FARP1: variants seen among roughly 807,000 people sequenced by gnomAD.
FARP1 encodes the protein FERM, ARH/RhoGEF and pleckstrin domain protein 1, also known as FERM, ARHGEF and pleckstrin domain-containing protein 1.
A neutral mutation model predicts 128.8 loss-of-function variants in FARP1; 52 were observed. The ratio of observed to expected loss-of-function variants is 0.40; its 90% CI spans 0.32 to 0.51. The LOEUF (loss-of-function observed/expected upper bound fraction) is 0.51, where lower values mean the gene tolerates loss of function less well. Ranked by LOEUF, FARP1 falls within the 20% of genes least tolerant of loss-of-function variation. The pLI is 0.45. For synonymous variants in FARP1, 580 were observed against 551.8 expected (o/e 1.05, Z -0.72); for missense variants, 1,333 against 1,367.9 (o/e 0.97, Z 0.40).
chr13:98,438,769 C>G, intron 19 of FARP1, 35 bp from the exon 20 acceptor site: 1 of 1,597,450 alleles, frequency 6.3e-7, no homozygotes, highest in Non-Finnish European at 8.6e-7. Context: ...GGTCCGCACG[C>G]TCGCAGCCAG....
At chr13:98,294,887 G>A (rs1405605553) in intron 2 of FARP1, among the ~76,000 whole-genome samples, 2 of 151,676 alleles carry the variant, frequency 1.3e-5, no homozygotes, top group Non-Finnish European at 2.9e-5. Context: ...CGTGGTGGAG[G>A]GCACCTGTAA....
At chr13:98,263,832 T>C (rs1883985185) in intron 2 of FARP1, among the ~76,000 whole-genome samples, 1 of 152,222 alleles carries the variant, frequency 6.6e-6, no homozygotes, top group South Asian at 2.1e-4. Context: ...TCAATTGATT[T>C]TCCTTTTCCC....
intron 2 of FARP1, among the ~76,000 whole-genome samples, chr13:98,326,542 C>T (rs1220009631): frequency 1.3e-5 from 2 of 152,192 alleles, no homozygotes; most frequent in Admixed American, 6.5e-5. Flanking sequence ...CTTTTCCACA[C>T]GTGCTGGTTC....
chr13:98,194,130 T>A (rs977480624), intron 1 of FARP1, among the ~76,000 whole-genome samples: 1 of 152,076 alleles, frequency 6.6e-6, no homozygotes, highest in East Asian at 1.9e-4. Flanking sequence ...TATTATTATT[T>A]TTTGAGACGA....
At chr13:98,175,153 G>T (rs1877913227) in intron 1 of FARP1, among the ~76,000 whole-genome samples, 1 of 152,256 alleles carries the variant, frequency 6.6e-6, no homozygotes, top group African/African-American at 2.4e-5. Context: ...TGTGAGACAT[G>T]GTTTCAGTCT....
intron 2 of FARP1, among the ~76,000 whole-genome samples, chr13:98,249,236 T>C (rs975154907): frequency 5.9e-5 from 9 of 152,166 alleles, no homozygotes; most frequent in African/African-American, 2.2e-4. Context: ...TTTAGACGAA[T>C]AGGAATTTTC....
Position 98,176,279 on chromosome 13 carries a change from C to T in FARP1, c.-24+32787C>T. ...TCTTCTGTGAAATGGGACTTGCCCC[C>T]ACCTTCTGCAGCCTGAAGCTTTTGC... On this transcript the variant is annotated intron_variant, in intron 1 of 26. Coordinates refer to ENST00000319562, the MANE Select transcript of FARP1 (RefSeq NM_005766.4). This position sits in a 1 kb window ranked among gnomAD's most constrained non-coding sequence, Gnocchi z 6.2. 4.3e-6 allele frequency: 7 copies of T among 1,612,028 alleles called. No homozygotes were observed. Among genetic ancestry groups the T allele is most frequent in the Non-Finnish European group, 5.9e-6 (7 of 1,178,652 alleles).
intron 1 of FARP1, among the ~76,000 whole-genome samples, chr13:98,153,515 A>AATACAT (rs1566670910): frequency 9.3e-6 from 1 of 107,106 alleles, no homozygotes; most frequent in African/African-American, 3.3e-5. Flanking sequence ...GTATAAATAT[A>AATACAT]TATTTATATA....
intron 5 of FARP1, among the ~76,000 whole-genome samples, chr13:98,373,596 G>A (rs995086945): frequency 2.2e-5 from 3 of 138,916 alleles, no homozygotes; most frequent in Non-Finnish European, 4.8e-5. Context: ...AGGGGGTTGC[G>A]GGGAGAGACA....
At chr13:98,272,811 G>C (rs972442553) in intron 2 of FARP1, among the ~76,000 whole-genome samples, 1 of 152,206 alleles carries the variant, frequency 6.6e-6, no homozygotes, top group African/African-American at 2.4e-5. Context: ...TGGGCTCAGA[G>C]TGGGGCCATG....
At chr13:98,208,168 T>C (rs1238309420) in intron 1 of FARP1, among the ~76,000 whole-genome samples, 3 of 151,900 alleles carry the variant, frequency 2.0e-5, no homozygotes, top group Non-Finnish European at 4.4e-5. Flanking sequence ...GAAAGGCACT[T>C]ATATAACAGA....
intron 1 of FARP1, chr13:98,203,775 G>C (rs767061188): frequency 6.6e-6 from 1 of 152,144 alleles, no homozygotes; most frequent in Non-Finnish European, 1.5e-5. Context: ...GTGGAATTGC[G>C]GGGTCACCAG....
chr13:98,442,904 C>A (rs1411543595), intron 24 of FARP1, among the ~76,000 whole-genome samples: 2 of 152,232 alleles, frequency 1.3e-5, no homozygotes, highest in Non-Finnish European at 2.9e-5. Context: ...TGTCATAGGC[C>A]TCAAAGCTTT....
chr13:98,260,321 C>T (rs1440770792), intron 2 of FARP1, among the ~76,000 whole-genome samples: 2 of 152,224 alleles, frequency 1.3e-5, no homozygotes, highest in African/African-American at 2.4e-5. Context: ...CAAGGTGTTA[C>T]TAATCATGGG....
At chr13:98,309,332 A>ATT (rs35611897) in intron 2 of FARP1, among the ~76,000 whole-genome samples, 15 of 143,946 alleles carry the variant, frequency 1.0e-4, no homozygotes, top group South Asian at 9.0e-4. Flanking sequence ...ACGCCCGGCT[A>ATT]TTTTTTTTTT....
At chr13:98,177,383 A>G (rs1878164672) in intron 1 of FARP1, 5 of 590,196 alleles carry the variant, frequency 8.5e-6, no homozygotes, top group Non-Finnish European at 1.4e-5. Context: ...GCGGTGACTC[A>G]CTCTTGTAAT....
At chr13:98,346,241 G>A (rs1363838580) in intron 3 of FARP1, among the ~76,000 whole-genome samples, 1 of 143,236 alleles carries the variant, frequency 7.0e-6, no homozygotes, top group African/African-American at 2.6e-5. Context: ...CCAGGCAGGA[G>A]TGCAGTGGTG....
intron 2 of FARP1, among the ~76,000 whole-genome samples, chr13:98,256,728 T>C (rs1231919605): frequency 6.6e-6 from 1 of 151,146 alleles, no homozygotes; most frequent in Non-Finnish European, 1.5e-5. Context: ...CCTGGCTAAT[T>C]TTTGTATTTT....
Position 98,440,018 on chromosome 13 carries a change from C to T in FARP1, c.2491C>T (p.Arg831Trp), listed in dbSNP as rs141142662. 195 of 1,604,052 alleles carry T rather than the reference C, an allele frequency of 1.2e-4. No individual in the cohort carries two copies. Among genetic ancestry groups the T allele is most frequent in the Non-Finnish European group, 1.4e-4 (166 of 1,172,870 alleles). ...CCACTGCCTGACCCTCCGGGGCCAG[C>T]GGCAGTCCATCATCGTGGCCGCCAG... ...VPHCLTLRGQ[R>W]QSIIVAASSR... The change falls in exon 22 of 27, where the codon CGG (arginine) becomes TGG (tryptophan). Residue 831 changes from arginine to tryptophan, a missense_variant. Physicochemically the swap from Arg to Trp is moderately radical, Grantham distance 101 (BLOSUM62 -3). Around this residue, in one of 2 missense-constraint regions of FARP1, gnomAD observed 1,009 missense variants for 969.8 expected, o/e 1.04. Transcript: ENST00000319562.
Sources: allele counts gnomAD v4.1 joint callset (sites outside exome capture counted in the v4.1 genomes callset), GRCh38; gene constraint gnomAD v4.1.1; regional missense constraint gnomAD v4.1.1; non-coding constraint Gnocchi (gnomAD v3.1); transcripts MANE v1.5; gene names NCBI Gene and HGNC (gene_info 2026-07-23, HGNC 2026-07-21).